Variants in SLC24A2 observed in about 807,000 individuals in gnomAD.
The protein encoded by SLC24A2 is sodium/potassium/calcium exchanger 2.
SLC24A2 carries 36 observed loss-of-function variants against 62.0 expected under a neutral mutation model. That is an observed-to-expected ratio of 0.58 (90% CI 0.44 to 0.77). The LOEUF is 0.77. Ranked by LOEUF, SLC24A2 falls within the 30% of genes least tolerant of loss-of-function variation. The pLI, the probability that SLC24A2 is intolerant of heterozygous loss-of-function variation, is 0.00. For synonymous variants in SLC24A2, 358 were observed against 294.0 expected (o/e 1.22, Z -2.23); for missense variants, 846 against 817.9 (o/e 1.03, Z -0.42).
At chr9:19,615,226 T>G (rs1054841511) in intron 4 of SLC24A2, among the ~76,000 whole-genome samples, 5 of 152,182 alleles carry the variant, frequency 3.3e-5, no homozygotes, top group African/African-American at 1.2e-4. Context: ...TCAAATGAAT[T>G]TGAATAGTTC....
chr9:20,275,576 T>C, the SLC24A2 span, among the ~76,000 whole-genome samples: 2 of 152,214 alleles, frequency 1.3e-5, no homozygotes, highest in East Asian at 1.9e-4. Flanking sequence ...TGAGGCCTTT[T>C]TCCTCATGTC....
chr9:20,037,453 G>T, the SLC24A2 span, among the ~76,000 whole-genome samples: 2 of 152,112 alleles, frequency 1.3e-5, no homozygotes, highest in Non-Finnish European at 2.9e-5. Flanking sequence ...GCACAATTAG[G>T]TTGATTCTAT....
upstream of SLC24A2, among the ~76,000 whole-genome samples, chr9:19,790,120 G>A (rs1288096147): frequency 2.0e-5 from 3 of 150,712 alleles, no homozygotes; most frequent in East Asian, 3.9e-4. Context: ...TTCTCCTTTC[G>A]AGACTGAATC....
chr9:19,913,678 C>T, the SLC24A2 span, among the ~76,000 whole-genome samples: 24 of 152,026 alleles, frequency 1.6e-4, no homozygotes, highest in African/African-American at 5.3e-4. Context: ...GATTAACCAT[C>T]CTTTATCAAA....
the SLC24A2 span, among the ~76,000 whole-genome samples, chr9:20,157,895 C>T: frequency 4.0e-5 from 6 of 151,420 alleles, no homozygotes; most frequent in Non-Finnish European, 8.9e-5. Flanking sequence ...ATCCTGTCCA[C>T]AAAATATCTA....
the SLC24A2 span, among the ~76,000 whole-genome samples, chr9:19,882,106 C>T: frequency 6.6e-6 from 1 of 152,116 alleles, no homozygotes; most frequent in African/African-American, 2.4e-5. Context: ...CTCTCTATTT[C>T]CTTGGGGTAG....
At chr9:20,303,035 C>T in the SLC24A2 span, among the ~76,000 whole-genome samples, 1 of 152,020 alleles carries the variant, frequency 6.6e-6, no homozygotes, top group Non-Finnish European at 1.5e-5. Flanking sequence ...CCAAAAGTAC[C>T]ACTTTACCCT....
chr9:19,744,749 C>A (rs940184986), intron 2 of SLC24A2, among the ~76,000 whole-genome samples: 2 of 152,214 alleles, frequency 1.3e-5, no homozygotes, highest in Non-Finnish European at 2.9e-5. Context: ...TTAGCCCCAA[C>A]TATAAGTTTC....
intron 2 of SLC24A2, among the ~76,000 whole-genome samples, chr9:19,769,218 G>A (rs1045661746): frequency 2.0e-5 from 3 of 152,088 alleles, no homozygotes; most frequent in Non-Finnish European, 4.4e-5. Context: ...TGTCACCCTC[G>A]ATTTCTCTCT....
the SLC24A2 span, among the ~76,000 whole-genome samples, chr9:20,232,890 G>A: frequency 1.8e-4 from 27 of 152,186 alleles, no homozygotes; most frequent in East Asian, 4.2e-3. Flanking sequence ...TCTACACACT[G>A]CTTTGAATGT....
At chr9:20,174,715 G>C in the SLC24A2 span, among the ~76,000 whole-genome samples, 1 of 152,006 alleles carries the variant, frequency 6.6e-6, no homozygotes, top group Non-Finnish European at 1.5e-5. Context: ...TGTTGGTGTG[G>C]ATGCTGTGAA....
At chr9:20,138,621 G>A in the SLC24A2 span, among the ~76,000 whole-genome samples, 1 of 152,182 alleles carries the variant, frequency 6.6e-6, no homozygotes. Context: ...AATCTTAGGA[G>A]TAAGCGATTC....
chr9:19,545,499 A>T (rs563508552), intron 8 of SLC24A2, among the ~76,000 whole-genome samples: 1 of 151,928 alleles, frequency 6.6e-6, no homozygotes, highest in East Asian at 1.9e-4. Context: ...CCTTGAGAAG[A>T]GGTGTTCAGG....
the SLC24A2 span, among the ~76,000 whole-genome samples, chr9:19,981,184 G>A: frequency 1.3e-5 from 2 of 152,162 alleles, no homozygotes; most frequent in African/African-American, 4.8e-5. Flanking sequence ...AGAAAAATAT[G>A]ATGAGTGTTC....
At chr9:19,772,528 G>A (rs1202162586) in intron 2 of SLC24A2, among the ~76,000 whole-genome samples, 1 of 152,074 alleles carries the variant, frequency 6.6e-6, no homozygotes, top group African/African-American at 2.4e-5. Flanking sequence ...TCAATAATAA[G>A]GCAAATAGCC....
the SLC24A2 span, among the ~76,000 whole-genome samples, chr9:20,240,870 G>T: frequency 3.3e-5 from 5 of 152,126 alleles, no homozygotes; most frequent in East Asian, 9.6e-4. Context: ...ACCTGGGAAG[G>T]TCTCTCATAA....
In SLC24A2 at chr9:19,619,684, C is replaced by T. The variant is rs200713923; in HGVS notation, c.978G>A (p.Pro326=). The part of the protein sequence containing the change: ...DKDEPTLPAK[P]RLQRGGSSAS... ...CAGAGCTTCCACCTCGCTGGAGACGCGGCTTAGCCTGAGCAGAGAAACCAA... is the reference window on the plus strand; with the variant it reads ...CAGAGCTTCCACCTCGCTGGAGACGTGGCTTAGCCTGAGCAGAGAAACCAA... Residue 326 remains proline, a synonymous_variant, in exon 4 of 11, where the codon CCG becomes CCA. Coordinates refer to ENST00000341998, the MANE Select transcript of SLC24A2 (RefSeq NM_020344.4). The T allele has an allele frequency of 5.8e-5, 93 of 1,613,282 alleles. No individual in the cohort carries two copies. Among genetic ancestry groups the T allele is most frequent in the South Asian group, 4.5e-4 (41 of 91,070 alleles).
chr9:20,209,151 T>G, the SLC24A2 span, among the ~76,000 whole-genome samples: 3 of 152,246 alleles, frequency 2.0e-5, no homozygotes, highest in Non-Finnish European at 4.4e-5. Flanking sequence ...CTATTACTAT[T>G]ATGATTGCTC....
chr9:20,108,307 A>T, the SLC24A2 span, among the ~76,000 whole-genome samples: 1 of 152,124 alleles, frequency 6.6e-6, no homozygotes, highest in Admixed American at 6.5e-5. Flanking sequence ...TCAGGGATCT[A>T]AAACTAGAAA....
Sources: gnomAD v4.1 joint callset for allele counts (sites outside exome capture counted in the v4.1 genomes callset) on GRCh38, gnomAD v4.1.1 for gene constraint, MANE v1.5 for transcripts, NCBI Gene and HGNC (gene_info 2026-07-23, HGNC 2026-07-21) for gene names.